Variants in EIF3H observed in about 807,000 individuals in gnomAD.
The protein encoded by EIF3H is eukaryotic translation initiation factor 3 subunit H.
EIF3H carries 26 observed loss-of-function variants against 44.2 expected under a neutral mutation model. That is an observed-to-expected ratio of 0.59 (90% confidence interval 0.43 to 0.82). EIF3H has a LOEUF of 0.82. Ranked by LOEUF, EIF3H falls within the 40% of genes least tolerant of loss-of-function variation. EIF3H has a pLI of 0.00. For missense variants in EIF3H, 359 were observed against 432.8 expected, an observed-to-expected ratio of 0.83 and a Z score of 1.51; for synonymous variants, 166 against 151.9, an observed-to-expected ratio of 1.09 and a Z score of -0.68.
At chr8:116,684,819 G>A (rs1814047009) in intron 2 of EIF3H, among the ~76,000 whole-genome samples, 1 of 152,082 alleles carries the variant, frequency 6.6e-6, no homozygotes, top group African/African-American at 2.4e-5. Context: ...GTTATCATTA[G>A]GAATATCCAC....
chr8:116,710,203 T>C (rs1814550760), intron 2 of EIF3H, among the ~76,000 whole-genome samples: 1 of 152,238 alleles, frequency 6.6e-6, no homozygotes, highest in South Asian at 2.1e-4. Flanking sequence ...ATCAGTATTG[T>C]CTGTTTAAGT....
Position 116,644,471 on chromosome 8 carries a change from A to T in EIF3H, c.*535T>A, listed in dbSNP as rs1813267880. The T allele has an allele frequency of 6.5e-6, 1 of 153,334 alleles. No homozygotes were observed. The highest frequency in any genetic ancestry group is 2.0e-4 in the South Asian group (1 of 4,920). 9.5% of individuals were successfully genotyped at this position (153,334 alleles called of 1,614,324 possible). A position where few individuals can be genotyped will look rare whatever the true frequency, so the allele number is the denominator to read the frequency against. On this transcript the variant is annotated 3_prime_UTR_variant, in exon 8 of 8. Transcript: ENST00000521861. ...TGGTTGACCATCACCTGCAGAAATG[A>T]AAAGGCAGACTGACCGGAATTAGGC...
At chr8:116,737,354 A>G (rs1815059441) in intron 1 of EIF3H, 3 of 427,388 alleles carry the variant, frequency 7.0e-6, no homozygotes, top group Non-Finnish European at 1.4e-5. Flanking sequence ...ACCCAAAAAT[A>G]AAGTTTTAAA....
chr8:116,732,564 A>C (rs1814968115), intron 1 of EIF3H, among the ~76,000 whole-genome samples: 1 of 152,210 alleles, frequency 6.6e-6, no homozygotes, highest in African/African-American at 2.4e-5. Flanking sequence ...TATCAAACAT[A>C]ATGTCTGCAT....
At chr8:116,698,690 T>C (rs890727426) in intron 2 of EIF3H, among the ~76,000 whole-genome samples, 3 of 152,234 alleles carry the variant, frequency 2.0e-5, no homozygotes, top group Non-Finnish European at 4.4e-5. Context: ...GCCCATGCCA[T>C]AGCCTCTATT....
Position 116,645,100 on chromosome 8 carries a change from T to A in EIF3H, c.965A>T (p.Gln322Leu). The change falls in exon 8 of 8, where the codon CAG (glutamine) becomes CTG (leucine). Residue 322 changes from glutamine (Q) to leucine (L), a missense_variant. This residue lies in a region of EIF3H where 94 missense variants were observed against 96.0 expected (regional missense o/e 0.98). Coordinates refer to ENST00000521861, the MANE Select transcript of EIF3H (RefSeq NM_003756.3). ...ARMDSLLIAG[Q>L]INTYCQNIKE... ...GATGTTCTGGCAGTAAGTGTTTATC[T>A]GGCCTGTGCATTTGAGAAAGAGATA... The A allele has an allele frequency of 6.2e-7, 1 of 1,613,480 alleles. No individual in the cohort carries two copies. The highest frequency in any genetic ancestry group is 1.1e-5 in the South Asian group (1 of 91,032).
At chr8:116,728,527 G>T (rs1056393574) in intron 1 of EIF3H, among the ~76,000 whole-genome samples, 1 of 152,050 alleles carries the variant, frequency 6.6e-6, no homozygotes, top group Admixed American at 6.5e-5. Context: ...AGTAAAAACT[G>T]TGTTATGAAT....
chr8:116,699,241 C>T (rs1366215639), intron 2 of EIF3H, among the ~76,000 whole-genome samples: 2 of 152,180 alleles, frequency 1.3e-5, no homozygotes, highest in Non-Finnish European at 2.9e-5. Context: ...AACTACTCAA[C>T]TGTATCATAT....
intron 2 of EIF3H, among the ~76,000 whole-genome samples, chr8:116,674,739 A>G (rs1381420241): frequency 6.6e-6 from 1 of 152,184 alleles, no homozygotes; most frequent in Non-Finnish European, 1.5e-5. Context: ...TATAATTACT[A>G]TACTTTCTCT....
chr8:116,686,540 C>T (rs1377898887), intron 2 of EIF3H, among the ~76,000 whole-genome samples: 1 of 151,884 alleles, frequency 6.6e-6, no homozygotes, highest in Non-Finnish European at 1.5e-5. Context: ...GCACTTAGCT[C>T]TGTTTCTAGG....
intron 1 of EIF3H, among the ~76,000 whole-genome samples, chr8:116,746,306 C>T (rs1349670237): frequency 6.6e-6 from 1 of 152,216 alleles, no homozygotes; most frequent in Non-Finnish European, 1.5e-5. Context: ...CACACCTTAA[C>T]TTCTATTTCC....
Position 116,744,747 on chromosome 8 carries a change from T to C in EIF3H, c.132+10919A>G, listed in dbSNP as rs114700400. ...ATTAAATATTTTACGAAAAACATTATAAACTAATTTTGAAAAGAAAGCAAA... is the reference window on the plus strand; with the variant it reads ...ATTAAATATTTTACGAAAAACATTACAAACTAATTTTGAAAAGAAAGCAAA... On this transcript the variant is annotated intron_variant, in intron 1 of 7. Coordinates refer to ENST00000521861, the MANE Select transcript of EIF3H (RefSeq NM_003756.3). Among the ~76,000 whole-genome samples, 626 of 152,330 alleles carry C rather than the reference T, an allele frequency of 4.1e-3. 3 individuals are homozygous for C. The highest frequency in any genetic ancestry group is 0.015 in the African/African-American group (614 of 41,586).
intron 1 of EIF3H, among the ~76,000 whole-genome samples, chr8:116,740,619 C>T (rs1003620106): frequency 6.6e-6 from 1 of 152,050 alleles, no homozygotes; most frequent in Non-Finnish European, 1.5e-5. Flanking sequence ...CTGCTGTCTT[C>T]TACTTGTTGT....
rs543879587 is a variant in EIF3H at position 116,716,908 on chromosome 8, A to G, written c.289+9108T>C. 2.6e-5 allele frequency among the ~76,000 whole-genome samples: 4 copies of G among 152,234 alleles called. No individual in the cohort carries two copies. The East Asian group carries it at 7.7e-4, about 29-fold the overall frequency. On this transcript the variant is annotated intron_variant, in intron 2 of 7. Transcript: ENST00000521861. The stretch of plus-strand genomic sequence containing the variant: ...AACAAACAAACAAAACACCTGAAAT[A>G]TATACTCATTAAAATTATGAAATAT...
chr8:116,762,711 AC>A (rs1815530046), intron 1 of EIF3H, among the ~76,000 whole-genome samples: 1 of 152,176 alleles, frequency 6.6e-6, no homozygotes, highest in Non-Finnish European at 1.5e-5. Flanking sequence ...AGGTGAGCGG[AC>A]CATTTGAGGT....
upstream of EIF3H, among the ~76,000 whole-genome samples, chr8:116,757,526 C>G (rs533593637): frequency 6.6e-6 from 1 of 152,002 alleles, no homozygotes; most frequent in Non-Finnish European, 1.5e-5. Context: ...TATTTTTGTT[C>G]TCTTTTATGG....
intron 2 of EIF3H, among the ~76,000 whole-genome samples, chr8:116,681,373 A>G (rs897702695): frequency 6.6e-6 from 1 of 151,848 alleles, no homozygotes; most frequent in Non-Finnish European, 1.5e-5. Context: ...AAGAAAAGGT[A>G]CAAACACTCT....
intron 1 of EIF3H, among the ~76,000 whole-genome samples, chr8:116,735,600 T>C (rs372965945): frequency 1.2e-4 from 19 of 152,280 alleles, no homozygotes; most frequent in Admixed American, 5.9e-4. Flanking sequence ...GAGTTTGGAA[T>C]AGTTGCATTT....
intron 7 of EIF3H, 134 bp from the exon 8 acceptor site, chr8:116,645,237 C>A: frequency 1.5e-6 from 1 of 657,900 alleles, no homozygotes; most frequent in Non-Finnish European, 2.6e-6. Flanking sequence ...TTTATTTTTC[C>A]ATAAGGGATA....
Sources: allele counts gnomAD v4.1 joint callset (sites outside exome capture counted in the v4.1 genomes callset), GRCh38; gene constraint gnomAD v4.1.1; regional missense constraint gnomAD v4.1.1; transcripts MANE v1.5; gene names NCBI Gene and HGNC (gene_info 2026-07-23, HGNC 2026-07-21).